NXNL2: variants seen among roughly 807,000 people sequenced by gnomAD.
The protein encoded by NXNL2 is nucleoredoxin-like protein 2.
A neutral mutation model predicts 11.1 loss-of-function variants in NXNL2; 7 were observed. The ratio of observed to expected loss-of-function variants is 0.63; its 90% CI spans 0.36 to 1.18. NXNL2 has a LOEUF of 1.18. Ranked by LOEUF, NXNL2 falls within the 50% of genes most tolerant of loss-of-function variation. The pLI is 0.02. For synonymous variants in NXNL2, 109 were observed against 101.8 expected (o/e 1.07, Z -0.42); for missense variants, 233 against 217.7 (o/e 1.07, Z -0.44).
Position 88,535,550 on chromosome 9 carries a change from C to T in NXNL2, c.116C>T (p.Ala39Val), listed in dbSNP as rs1202857180. The change falls in exon 1 of 2, where the codon GCG becomes GTG. Residue 39 changes from alanine (A) to valine (V), a missense_variant. Ala to Val is a moderately conservative substitution (Grantham distance 64). Coordinates refer to ENST00000375854, the MANE Select transcript of NXNL2 (RefSeq NM_001161625.2). ...VALYFAAARC[A>V]PSRDFTPLLC... is the part of the protein sequence containing the mutation. ...CTGTACTTCGCGGCGGCCCGGTGCG[C>T]GCCGAGCCGCGACTTCACGCCGCTG... 3 of 1,603,682 alleles carry T rather than the reference C, an allele frequency of 1.9e-6. No individual in the cohort carries two copies. The highest frequency in any genetic ancestry group is 2.5e-6 in the Non-Finnish European group (3 of 1,177,726).
chr9:88,557,684 T>C (rs1395746716), intron 1 of NXNL2, among the ~76,000 whole-genome samples: 2 of 152,166 alleles, frequency 1.3e-5, no homozygotes, highest in African/African-American at 2.4e-5. Flanking sequence ...TGGTTTACAA[T>C]TGTGCTTTCC....
intron 1 of NXNL2, among the ~76,000 whole-genome samples, chr9:88,540,997 G>A (rs1829747601): frequency 7.1e-6 from 1 of 140,876 alleles, no homozygotes; most frequent in Admixed American, 7.4e-5. Context: ...CCAGGCTGGA[G>A]TGCAGTGGTG....
chr9:88,556,392 A>G (rs1301385019), intron 1 of NXNL2, among the ~76,000 whole-genome samples: 1 of 152,176 alleles, frequency 6.6e-6, no homozygotes, highest in Non-Finnish European at 1.5e-5. Flanking sequence ...TCAGCAAGGC[A>G]GAGAAGAGTT....
rs184341326 is a variant in NXNL2 at position 88,550,860 on chromosome 9, T to C, written c.302+15124T>C. On this transcript the variant is annotated intron_variant, in intron 1 of 2. Coordinates refer to the NXNL2 transcript ENST00000375855. ...AAGAATATTGTTAAGGTGTAATCTT[T>C]AGTTTCTGTAGGGAACCGAACATTC... Among the ~76,000 whole-genome samples, 148 of 152,376 alleles carry C rather than the reference T, an allele frequency of 9.7e-4. 1 individual carries two copies. Among genetic ancestry groups the C allele is most frequent in the South Asian group, 2.1e-3 (10 of 4,830 alleles).
chr9:88,564,293 CT>C (rs1420517653), intron 1 of NXNL2, among the ~76,000 whole-genome samples: 18 of 128,166 alleles, frequency 1.4e-4, no homozygotes, highest in African/African-American at 6.2e-4. Flanking sequence ...TATTATCTAT[CT>C]ATCTATCTAT....
intron 1 of NXNL2, among the ~76,000 whole-genome samples, chr9:88,557,416 G>C (rs775177652): frequency 6.6e-6 from 1 of 152,192 alleles, no homozygotes; most frequent in Non-Finnish European, 1.5e-5. Context: ...TCCTGCACCA[G>C]AGTCAGGATT....
intron 1 of NXNL2, among the ~76,000 whole-genome samples, chr9:88,542,224 C>T (rs1301171560): frequency 6.6e-6 from 1 of 151,516 alleles, no homozygotes; most frequent in Non-Finnish European, 1.5e-5. Context: ...CAGAGCAAGA[C>T]TCCATCTCAA....
rs1401402339 is a variant in NXNL2, at chr9:88,574,093, T to C, written c.*17-994T>C. ...CTTTAAAAAGTTAAATGTTTTCATA[T>C]GGTCTAGCAATTCCACTCATATATA... On this transcript the variant is annotated intron_variant, in intron 2 of 2. Transcript: ENST00000375855. Among the ~76,000 whole-genome samples the C allele has an allele frequency of 2.0e-5, 3 of 152,212 alleles. No homozygotes were observed. The East Asian group carries it at 5.8e-4, about 29-fold the overall frequency.
chr9:88,576,539 G>A (rs1830350640), downstream of NXNL2, among the ~76,000 whole-genome samples: 1 of 152,202 alleles, frequency 6.6e-6, no homozygotes, highest in African/African-American at 2.4e-5. Flanking sequence ...GAGACTTCCA[G>A]TTTGCTAGCA....
chr9:88,541,309 G>A (rs1298254934), intron 1 of NXNL2, among the ~76,000 whole-genome samples: 1 of 151,536 alleles, frequency 6.6e-6, no homozygotes, highest in Non-Finnish European at 1.5e-5. Flanking sequence ...CATCCAGGCT[G>A]GAGTGCAGTG....
intron 1 of NXNL2, among the ~76,000 whole-genome samples, chr9:88,543,096 CA>C (rs1829792372): frequency 6.6e-6 from 1 of 152,008 alleles, no homozygotes; most frequent in Non-Finnish European, 1.5e-5. Context: ...TAAATGAATA[CA>C]AATAATTTTG....
downstream of NXNL2, among the ~76,000 whole-genome samples, chr9:88,579,393 A>G (rs550783247): frequency 4.0e-3 from 614 of 151,926 alleles, 8 homozygotes; most frequent in African/African-American, 0.014. Flanking sequence ...CTGTGGCAGG[A>G]CTCATTTCTG....
At chr9:88,556,414 C>T (rs1286367257) in intron 1 of NXNL2, among the ~76,000 whole-genome samples, 3 of 152,102 alleles carry the variant, frequency 2.0e-5, no homozygotes, top group Non-Finnish European at 4.4e-5. Flanking sequence ...TATTGAGTGA[C>T]AGAACAGTTT....
chr9:88,570,478 G>T (rs1439414610), intron 1 of NXNL2, among the ~76,000 whole-genome samples: 1 of 152,166 alleles, frequency 6.6e-6, no homozygotes. Context: ...AGAATATGGA[G>T]ATGTACTAGG....
chr9:88,546,297 G>A (rs58280782), downstream of NXNL2, among the ~76,000 whole-genome samples: 4,001 of 152,162 alleles, frequency 0.026, 179 homozygotes, highest in African/African-American at 0.092. Context: ...GGGGTGACTA[G>A]AGGGAGAGGC....
chr9:88,564,302 T>TATCG (rs1254587008), intron 1 of NXNL2, among the ~76,000 whole-genome samples: 19 of 143,354 alleles, frequency 1.3e-4, no homozygotes, highest in Non-Finnish European at 8.8e-5. Flanking sequence ...TCTATCTATC[T>TATCG]ATCTATCTAT....
intron 1 of NXNL2, among the ~76,000 whole-genome samples, chr9:88,553,450 T>C (rs1213014607): frequency 2.0e-5 from 3 of 152,152 alleles, no homozygotes; most frequent in Non-Finnish European, 4.4e-5. Flanking sequence ...GCCCAGCCCA[T>C]GTGGCTCTGC....
chr9:88,582,621 T>C (rs887241721), intron 1 of NXNL2, among the ~76,000 whole-genome samples: 1 of 152,030 alleles, frequency 6.6e-6, no homozygotes, highest in Non-Finnish European at 1.5e-5. Context: ...TCTTCCTTCC[T>C]TCCTTCCTCC....
intron 1 of NXNL2, chr9:88,583,876 A>T (rs1376734347): frequency 1.3e-5 from 2 of 152,144 alleles, no homozygotes; most frequent in African/African-American, 4.8e-5. Flanking sequence ...CAAGCCAGGA[A>T]GAGAACCCTT....
Sources: allele counts gnomAD v4.1 joint callset (sites outside exome capture counted in the v4.1 genomes callset), GRCh38; gene constraint gnomAD v4.1.1; transcripts MANE v1.5; gene names NCBI Gene and HGNC (gene_info 2026-07-23, HGNC 2026-07-21).